The following VAPB variants were observed in gnomAD, a reference collection of about 807,000 sequenced individuals.
VAPB encodes VAMP associated protein B and C, also known as vesicle-associated membrane protein-associated protein B/C.
A neutral mutation model predicts 25.6 loss-of-function variants in VAPB; 7 were observed. The ratio of observed to expected loss-of-function variants is 0.27; its 90% CI spans 0.16 to 0.51. The LOEUF (loss-of-function observed/expected upper bound fraction) is 0.51, where lower values mean the gene tolerates loss of function less well. Among genes scored for constraint, VAPB ranks in the 20% least tolerant of loss-of-function variants. The pLI is 0.97. For missense variants in VAPB, 266 were observed against 301.3 expected, an observed-to-expected ratio of 0.88 and a Z score of 0.87; for synonymous variants, 112 against 109.2, an observed-to-expected ratio of 1.03 and a Z score of -0.16.
rs1222589165 is a variant in VAPB, at chr20:58,448,239, C to CCACT, written c.*4006_*4009dup. ...CATACAAATCCCATAAGGCCAACGACCACTCTTCTGGAACACCAAGAGCAG... is the reference window on the plus strand; with the variant it reads ...CATACAAATCCCATAAGGCCAACGACCACTCACTCTTCTGGAACACCAAGAGCAG... On this transcript the variant is annotated 3_prime_UTR_variant, in exon 6 of 6. Coordinates refer to ENST00000475243, the MANE Select transcript of VAPB (RefSeq NM_004738.5). The CCACT allele has an allele frequency of 2.2e-6, 1 of 453,922 alleles. No individual in the cohort carries two copies. Among genetic ancestry groups the CCACT allele is most frequent in the East Asian group, 6.9e-5 (1 of 14,394 alleles). 28.1% of individuals were successfully genotyped at this position (453,922 alleles called of 1,614,324 possible).
At chr20:58,436,516 A>G (rs1989050047) in intron 3 of VAPB, among the ~76,000 whole-genome samples, 2 of 151,684 alleles carry the variant, frequency 1.3e-5, no homozygotes, top group Non-Finnish European at 2.9e-5. Context: ...TTGTAGAGAC[A>G]GGTTTTCTCC....
intron 2 of VAPB, among the ~76,000 whole-genome samples, chr20:58,434,326 T>C (rs1988992260): frequency 6.6e-6 from 1 of 152,182 alleles, no homozygotes; most frequent in African/African-American, 2.4e-5. Context: ...ACATTTACGG[T>C]AGGCTTGCAG....
At chr20:58,431,302 C>A (rs879566622) in intron 2 of VAPB, 9 of 152,222 alleles carry the variant, frequency 5.9e-5, no homozygotes, top group Non-Finnish European at 1.3e-4. Context: ...AAATCACATT[C>A]ATTTCTTTTC....
At chr20:58,425,682 C>G (rs1271806938) in intron 2 of VAPB, among the ~76,000 whole-genome samples, 2 of 152,112 alleles carry the variant, frequency 1.3e-5, no homozygotes, top group East Asian at 3.9e-4. Flanking sequence ...ACAGATTTTC[C>G]AGGTGTGTAC....
At chr20:58,429,600 G>A (rs1416649296) in intron 2 of VAPB, among the ~76,000 whole-genome samples, 2 of 152,198 alleles carry the variant, frequency 1.3e-5, no homozygotes, top group African/African-American at 2.4e-5. Flanking sequence ...AGTTGCAAAG[G>A]CCTTTGATTA....
chr20:58,401,756 T>C (rs1988101033), intron 1 of VAPB, among the ~76,000 whole-genome samples: 1 of 152,196 alleles, frequency 6.6e-6, no homozygotes, highest in Non-Finnish European at 1.5e-5. Context: ...CACTTATGTA[T>C]GAACCCAGGC....
chr20:58,444,916 A>G lies in VAPB; in HGVS notation c.*681A>G, dbSNP rs1302062847. The G allele has an allele frequency of 4.4e-6, 2 of 454,582 alleles. No individual in the cohort carries two copies. The highest frequency in any genetic ancestry group is 8.8e-6 in the Non-Finnish European group (2 of 226,800). 28.2% of individuals were successfully genotyped at this position (454,582 alleles called of 1,614,324 possible). ...GTATTGGTTCATGTAGTGAAGTCAA[A>G]CTGTTATTCAGAGATGTTTAATGCA... On this transcript the variant is annotated 3_prime_UTR_variant, in exon 6 of 6. Coordinates refer to ENST00000475243, the MANE Select transcript of VAPB (RefSeq NM_004738.5).
chr20:58,448,279 T>G lies in VAPB; in HGVS notation c.*4044T>G, dbSNP rs767215861. 2.2e-6 allele frequency: 1 copy of G among 453,998 alleles called. No homozygotes were observed. Among genetic ancestry groups the G allele is most frequent in the South Asian group, 1.6e-5 (1 of 64,472 alleles). 28.1% of individuals were successfully genotyped at this position (453,998 alleles called of 1,614,324 possible). A position where few individuals can be genotyped will look rare whatever the true frequency, so the allele number is the denominator to read the frequency against. On this transcript the variant is annotated 3_prime_UTR_variant, in exon 6 of 6. Transcript: ENST00000475243. ...ACCAAGAGCAGCTCTGAGATCATGC[T>G]GGCCCTACGCGAATTGAGTTTCTGT... is the stretch of plus-strand genomic sequence containing the variant.
intron 1 of VAPB, among the ~76,000 whole-genome samples, chr20:58,401,181 C>G (rs1988087701): frequency 1.3e-5 from 2 of 152,268 alleles, no homozygotes; most frequent in African/African-American, 4.8e-5. Context: ...TGTTGCCTTT[C>G]TCTTCCAAAG....
At chr20:58,411,334 T>A (rs1988372760) in intron 1 of VAPB, among the ~76,000 whole-genome samples, 1 of 152,248 alleles carries the variant, frequency 6.6e-6, no homozygotes, top group African/African-American at 2.4e-5. Context: ...CAGGCTGAAG[T>A]GCAGTGGCAC....
rs573373103 is a variant in VAPB, at chr20:58,445,129, A to G, written c.*894A>G. 1 of 454,404 alleles carries G rather than the reference A, an allele frequency of 2.2e-6. No individual in the cohort carries two copies. The highest frequency in any genetic ancestry group is 6.9e-5 in the East Asian group (1 of 14,392). The allele number at this position is 454,404 out of a possible 1,614,324, so 28.1% of individuals were successfully genotyped here. ...ATTGGGATGCTGGAGAAGAGCTGCC[A>G]GGAAGTGTTTTTTCTGGGTCAGTAA... On this transcript the variant is annotated 3_prime_UTR_variant, in exon 6 of 6. Coordinates refer to ENST00000475243, the MANE Select transcript of VAPB (RefSeq NM_004738.5).
At chr20:58,403,301 G>A (rs990812721) in intron 1 of VAPB, among the ~76,000 whole-genome samples, 2 of 152,002 alleles carry the variant, frequency 1.3e-5, no homozygotes, top group East Asian at 1.9e-4. Flanking sequence ...ATTTTGCATC[G>A]TTAGCCTATT....
chr20:58,413,403 G>A (rs1988429231), intron 1 of VAPB, among the ~76,000 whole-genome samples: 2 of 151,826 alleles, frequency 1.3e-5, no homozygotes, highest in Non-Finnish European at 1.5e-5. Flanking sequence ...ATCTTGCACC[G>A]CCCTTAATCC....
chr20:58,394,230 G>A (rs890362437), intron 1 of VAPB, among the ~76,000 whole-genome samples: 13 of 152,102 alleles, frequency 8.5e-5, no homozygotes, highest in Non-Finnish European at 1.9e-4. Flanking sequence ...GTTTAAGGAC[G>A]TTGTTTGTTT....
In VAPB at chr20:58,449,847, C is replaced by G. The variant is rs140602757; in HGVS notation, c.*5612C>G. ...TGCATTCTGATGAGCTGCAGGAGTGCGCCTGGCCTTCTGCAGGTGGAGCTG... is the reference window on the plus strand; with the variant it reads ...TGCATTCTGATGAGCTGCAGGAGTGGGCCTGGCCTTCTGCAGGTGGAGCTG... On this transcript the variant is annotated 3_prime_UTR_variant, in exon 6 of 6. Transcript: ENST00000475243. 6.1e-4 allele frequency: 278 copies of G among 454,072 alleles called. No individual in the cohort carries two copies. The highest frequency in any genetic ancestry group is 4.8e-3 in the African/African-American group (241 of 50,094). 28.1% of individuals were successfully genotyped at this position (454,072 alleles called of 1,614,324 possible). A position where few individuals can be genotyped will look rare whatever the true frequency, so the allele number is the denominator to read the frequency against.
In VAPB at chr20:58,412,679, G is replaced by T. The variant is rs1200729978; in HGVS notation, c.59-5532G>T. Among the ~76,000 whole-genome samples the T allele has an allele frequency of 5.9e-5, 9 of 152,064 alleles. No individual in the cohort carries two copies. The East Asian group carries it at 1.7e-3, about 29-fold the overall frequency. On this transcript the variant is annotated intron_variant, in intron 1 of 5. Coordinates refer to ENST00000475243, the MANE Select transcript of VAPB (RefSeq NM_004738.5). ...GCTATGCTTGAGGTAATACAGATAG[G>T]TAAGGCCTAGATTGAGTTTTCAGTT...
At chr20:58,435,238 A>G (rs1820274109) in intron 3 of VAPB, among the ~76,000 whole-genome samples, 1 of 152,156 alleles carries the variant, frequency 6.6e-6, no homozygotes, top group Admixed American at 6.5e-5. Flanking sequence ...TAAAATTAAG[A>G]TGACTTCATT....
rs1290354951 is a variant in VAPB at position 58,450,786 on chromosome 20, C to T, written c.*6551C>T. Reference sequence around the variant, plus strand: ...GAATGCTTTAGTTTTCATAATTTGTCCTTTATGTATTTTTCATTGTATTTG... The same window carrying T: ...GAATGCTTTAGTTTTCATAATTTGTTCTTTATGTATTTTTCATTGTATTTG... On this transcript the variant is annotated 3_prime_UTR_variant, in exon 6 of 6. Transcript: ENST00000475243. The T allele has an allele frequency of 2.2e-6, 1 of 453,860 alleles. No individual in the cohort carries two copies. The highest frequency in any genetic ancestry group is 4.4e-6 in the Non-Finnish European group (1 of 226,774). 28.1% of individuals were successfully genotyped at this position (453,860 alleles called of 1,614,324 possible). A position where few individuals can be genotyped will look rare whatever the true frequency, so the allele number is the denominator to read the frequency against.
intron 2 of VAPB, among the ~76,000 whole-genome samples, chr20:58,424,484 T>C (rs1988743064): frequency 6.6e-6 from 1 of 151,900 alleles, no homozygotes; most frequent in African/African-American, 2.4e-5. Context: ...ATGTTTTAGG[T>C]GATCAGCCCC....
Sources: allele counts gnomAD v4.1 joint callset (sites outside exome capture counted in the v4.1 genomes callset), GRCh38; gene constraint gnomAD v4.1.1; transcripts MANE v1.5; gene names NCBI Gene and HGNC (gene_info 2026-07-23, HGNC 2026-07-21).